The following ATAD3A variants were observed in gnomAD, a reference collection of about 807,000 sequenced individuals.
ATAD3A encodes the protein ATPase family AAA domain-containing protein 3A.
ATAD3A carries 46 observed loss-of-function variants against 73.8 expected under a neutral mutation model. The ratio of observed to expected loss-of-function variants is 0.62; its 90% CI spans 0.49 to 0.80. The LOEUF is 0.80. Among genes scored for constraint, ATAD3A ranks in the 30% least tolerant of loss-of-function variants. The probability of loss-of-function intolerance (pLI) is 0.00; values close to 1 mark genes in which losing one functional copy is unlikely to be tolerated. For missense variants in ATAD3A, 705 were observed against 838.0 expected, an observed-to-expected ratio of 0.84 and a Z score of 1.96; for synonymous variants, 319 against 350.0, an observed-to-expected ratio of 0.91 and a Z score of 0.99.
In ATAD3A at chr1:1,534,541, C is replaced by A. The variant is rs187397098; in HGVS notation, c.*469C>A. On this transcript the variant is annotated 3_prime_UTR_variant, in exon 16 of 16. Coordinates refer to ENST00000378756, the MANE Select transcript of ATAD3A (RefSeq NM_001170535.3). ...GCTTCCCCCTGTGGCCGGCATGCCCCGATCTTTCACACACTGGTGACCCTG... is the reference window on the plus strand; with the variant it reads ...GCTTCCCCCTGTGGCCGGCATGCCCAGATCTTTCACACACTGGTGACCCTG... The A allele has an allele frequency of 5.5e-4, 228 of 415,720 alleles. 1 individual carries two copies. The highest frequency in any genetic ancestry group is 4.5e-3 in the African/African-American group (216 of 48,386). 25.8% of individuals were successfully genotyped at this position (415,720 alleles called of 1,614,324 possible).
At chr1:1,530,151 G>A (rs1241164978) in intron 15 of ATAD3A, among the ~76,000 whole-genome samples, 1 of 152,210 alleles carries the variant, frequency 6.6e-6, no homozygotes, top group Non-Finnish European at 1.5e-5. Flanking sequence ...CTGTGACAAA[G>A]AGCCCCAGAT....
chr1:1,529,094 CAGAAGT>C (rs1641947375), intron 14 of ATAD3A, 123 bp from the exon 15 acceptor site: 3 of 1,406,552 alleles, frequency 2.1e-6, no homozygotes, highest in East Asian at 5.0e-5. Flanking sequence ...GCTGGGCTGT[CAGAAGT>C]AGAGAGCCCC....
Position 1,523,363 on chromosome 1 carries a change from C to G in ATAD3A, c.907-148C>G, listed in dbSNP as rs1483175718. Reference sequence around the variant, plus strand: ...CAGCAATAGCCGCCTGGTCTCCGGGCGGGGCAGGGTTCCAGCTCCGGGCCG... The same window carrying G: ...CAGCAATAGCCGCCTGGTCTCCGGGGGGGGCAGGGTTCCAGCTCCGGGCCG... On this transcript the variant is annotated intron_variant, in intron 8 of 15. Coordinates refer to ENST00000378756, the MANE Select transcript of ATAD3A (RefSeq NM_001170535.3). The surrounding 1 kb of genome is among the most constrained non-coding windows in gnomAD (Gnocchi z 5.1). 5.3e-6 allele frequency: 7 copies of G among 1,333,186 alleles called. No homozygotes were observed. Among genetic ancestry groups the G allele is most frequent in the Middle Eastern group, 2.6e-4 (1 of 3,788 alleles). 82.6% of individuals were successfully genotyped at this position (1,333,186 alleles called of 1,614,324 possible).
chr1:1,522,637 T>C (rs1165102775), intron 7 of ATAD3A, 107 bp from the exon 8 acceptor site: 2 of 1,560,628 alleles, frequency 1.3e-6, no homozygotes, highest in Non-Finnish European at 1.7e-6. Flanking sequence ...CACGGCCCTG[T>C]GCTTCTCCCT....
At chr1:1,522,200 C>T (rs1641623734) in intron 7 of ATAD3A, among the ~76,000 whole-genome samples, 1 of 152,070 alleles carries the variant, frequency 6.6e-6, no homozygotes, top group Non-Finnish European at 1.5e-5. Flanking sequence ...CCACCATGGC[C>T]AGCTAATTTT....
rs890216984 is a variant in ATAD3A, at chr1:1,512,167, C to T, written c.-102C>T. On this transcript the variant is annotated 5_prime_UTR_variant, in exon 1 of 16. Transcript: ENST00000378756. ...GGTGTGTGTGGCGCCTGCGCAGTGG[C>T]GGTGACCACCGGCTCGCGGCGCGTG... is the stretch of plus-strand genomic sequence containing the variant. 9 of 1,214,688 alleles carry T rather than the reference C, an allele frequency of 7.4e-6. No individual in the cohort carries two copies. The highest frequency in any genetic ancestry group is 3.3e-5 in the East Asian group (1 of 30,008). 75.2% of individuals were successfully genotyped at this position (1,214,688 alleles called of 1,614,324 possible). A position where few individuals can be genotyped will look rare whatever the true frequency, so the allele number is the denominator to read the frequency against.
In ATAD3A at chr1:1,523,940, C is replaced by A. The variant is rs1158917453; in HGVS notation, c.1065C>A (p.Gly355=). Residue 355 remains glycine (G), a synonymous_variant, in exon 10 of 16, where the codon GGC becomes GGA. Coordinates refer to ENST00000378756, the MANE Select transcript of ATAD3A (RefSeq NM_001170535.3). This position sits in a 1 kb window ranked among gnomAD's most constrained non-coding sequence, Gnocchi z 5.1. ...YRNILMYGPP[G]TGKTLFAKKL... ...ACATCCTGATGTACGGGCCACCAGG[C>A]ACCGGGAAGACGCTGTTTGCCAAGG... 1 of 1,613,964 alleles carries A rather than the reference C, an allele frequency of 6.2e-7. No homozygotes were observed. Among genetic ancestry groups the A allele is most frequent in the Non-Finnish European group, 8.5e-7 (1 of 1,180,000 alleles).
chr1:1,527,685 C>T lies in ATAD3A; in HGVS notation c.1338-10C>T, dbSNP rs554853701. 3.9e-5 allele frequency: 63 copies of T among 1,605,270 alleles called. No homozygotes were observed. The highest frequency in any genetic ancestry group is 9.0e-5 in the East Asian group (4 of 44,662). On this transcript the variant is annotated splice_polypyrimidine_tract_variant and intron_variant, in intron 13 of 15. Coordinates refer to ENST00000378756, the MANE Select transcript of ATAD3A (RefSeq NM_001170535.3). ...GCCCCAGCATCCTCATCCTCATCCC[C>T]GCCCCGCAGGTTCATGCTGGTCCTG...
rs1035846391 is a variant in ATAD3A, at chr1:1,520,438, C to A, written c.681-110C>A. The A allele has an allele frequency of 1.6e-5, 26 of 1,600,296 alleles. No homozygotes were observed. In the African/African-American group the frequency reaches 3.2e-4, roughly 20 times the overall value. On this transcript the variant is annotated intron_variant, in intron 6 of 15. Transcript: ENST00000378756. This position sits in a 1 kb window ranked among gnomAD's most constrained non-coding sequence, Gnocchi z 4.0. ...ACTCCTTGGTGGGGGCACTGCCCCT[C>A]TGTCCTGGCAAGGCCGTGCCGCCAT...
Position 1,534,385 on chromosome 1 carries a change from G to C in ATAD3A, c.*313G>C. ...CCAGCCCCTGCCCAGGCCACTGTGA[G>C]GGTGGGTGCTGGCTGAGCCCCCGGG... On this transcript the variant is annotated 3_prime_UTR_variant, in exon 16 of 16. Coordinates refer to ENST00000378756, the MANE Select transcript of ATAD3A (RefSeq NM_001170535.3). 3 of 1,352,076 alleles carry C rather than the reference G, an allele frequency of 2.2e-6. No individual in the cohort carries two copies. Among genetic ancestry groups the C allele is most frequent in the Middle Eastern group, 2.8e-4 (1 of 3,620 alleles). The allele number at this position is 1,352,076 out of a possible 1,614,324, so 83.8% of individuals were successfully genotyped here. A position where few individuals can be genotyped will look rare whatever the true frequency, so the allele number is the denominator to read the frequency against.
chr1:1,527,457 C>G (rs1293445919), intron 13 of ATAD3A, among the ~76,000 whole-genome samples: 1 of 152,230 alleles, frequency 6.6e-6, no homozygotes, highest in African/African-American at 2.4e-5. Flanking sequence ...CCGGCACTGC[C>G]TATCAGGCTG....
At position 1,525,109 on chromosome 1, in the gene ATAD3A, G is replaced by C; in HGVS notation, c.1215-131G>C. On this transcript the variant is annotated intron_variant, in intron 11 of 15. Coordinates refer to ENST00000378756, the MANE Select transcript of ATAD3A (RefSeq NM_001170535.3). ...CGGCTTCTGTCGAGTCCAGGACTTA[G>C]GGCTGCTGATGGGGCAGAGCCTGAC... is the stretch of plus-strand genomic sequence containing the variant. 3.9e-6 allele frequency: 5 copies of C among 1,266,664 alleles called. 1 individual carries two copies. Among genetic ancestry groups the C allele is most frequent in the Non-Finnish European group, 4.5e-6 (4 of 879,968 alleles). 78.5% of individuals were successfully genotyped at this position (1,266,664 alleles called of 1,614,324 possible). A position where few individuals can be genotyped will look rare whatever the true frequency, so the allele number is the denominator to read the frequency against.
At position 1,534,633 on chromosome 1, in the gene ATAD3A, C is replaced by T. The variant is rs919686365; in HGVS notation, c.*561C>T. 11 of 174,110 alleles carry T rather than the reference C, an allele frequency of 6.3e-5. No individual in the cohort carries two copies. The highest frequency in any genetic ancestry group is 2.6e-4 in the African/African-American group (11 of 42,022). The allele number at this position is 174,110 out of a possible 1,614,324, so 10.8% of individuals were successfully genotyped here. ...CGCACTGTCAGCTGGCCGGTCCAAG[C>T]CTGTGGCTGGAGCTGGGGTCTGTTT... On this transcript the variant is annotated 3_prime_UTR_variant, in exon 16 of 16. Transcript: ENST00000378756.
chr1:1,524,069 C>T (rs1322292593), intron 10 of ATAD3A, 105 bp downstream of exon 10: 2 of 1,592,896 alleles, frequency 1.3e-6, no homozygotes, highest in African/African-American at 1.4e-5. Flanking sequence ...CCCCTTAGGC[C>T]TTTGCCCACC....
Position 1,520,048 on chromosome 1 carries a change from G to A in ATAD3A, c.515-93G>A. ...TGTGGCGTTGGTCTGTCCGTGGCGT[G>A]GGCCGGTCCGTGGCGTGGGCCGGTC... On this transcript the variant is annotated intron_variant, in intron 5 of 15. Transcript: ENST00000378756. The surrounding 1 kb of genome is among the most constrained non-coding windows in gnomAD (Gnocchi z 4.0). 2 of 1,515,990 alleles carry A rather than the reference G, an allele frequency of 1.3e-6. No individual in the cohort carries two copies. The highest frequency in any genetic ancestry group is 2.4e-5 in the East Asian group (1 of 40,914). 93.9% of individuals were successfully genotyped at this position (1,515,990 alleles called of 1,614,324 possible).
chr1:1,513,833 G>A (rs1641274033), intron 1 of ATAD3A, among the ~76,000 whole-genome samples: 1 of 152,134 alleles, frequency 6.6e-6, no homozygotes, highest in Admixed American at 6.5e-5. Flanking sequence ...GGAGCCCATT[G>A]CTTTGTCCTT....
At chr1:1,526,409 T>A (rs1351250467) in intron 12 of ATAD3A, 52 bp from the exon 13 acceptor site, 3 of 1,556,544 alleles carry the variant, frequency 1.9e-6, no homozygotes, top group Non-Finnish European at 2.6e-6. Flanking sequence ...CTGCTGTGGC[T>A]GTTTACAAGG....
In ATAD3A at chr1:1,524,303, G is replaced by A. The variant is rs146841866; in HGVS notation, c.1120G>A (p.Ala374Thr). Residue 374 changes from alanine (A) to threonine (T), a missense_variant, in exon 11 of 16, where the codon GCC becomes ACC. Transcript: ENST00000378756. ...KLALHSGMDY[A>T]IMTGGDVAPM... ...CGCCCTGCACTCAGGCATGGACTAC[G>A]CCATCATGACAGGCGGGGACGTGGC... 87 of 1,613,758 alleles carry A rather than the reference G, an allele frequency of 5.4e-5. No homozygotes were observed. The East Asian group carries it at 7.1e-4, about 13-fold the overall frequency.
intron 1 of ATAD3A, 92 bp downstream of exon 1, chr1:1,512,565 G>T (rs532979469): frequency 7.2e-7 from 1 of 1,394,556 alleles, no homozygotes; most frequent in Admixed American, 2.4e-5. Flanking sequence ...CGCCGCTGTC[G>T]GCAGCCACTT....
Sources: allele counts gnomAD v4.1 joint callset (sites outside exome capture counted in the v4.1 genomes callset), GRCh38; gene constraint gnomAD v4.1.1; non-coding constraint Gnocchi (gnomAD v3.1); transcripts MANE v1.5; gene names NCBI Gene and HGNC (gene_info 2026-07-23, HGNC 2026-07-21).